CLCN7: variants seen among roughly 807,000 people sequenced by gnomAD.
CLCN7 encodes the protein H(+)/Cl(-) exchange transporter 7.
CLCN7 carries 60 observed loss-of-function variants against 102.1 expected under a neutral mutation model. That is an observed-to-expected ratio of 0.59 (90% CI 0.48 to 0.73). The LOEUF (loss-of-function observed/expected upper bound fraction) is 0.73. Ranked by LOEUF, CLCN7 falls within the 30% of genes least tolerant of loss-of-function variation. The probability of loss-of-function intolerance (pLI) is 0.00; values close to 1 mark genes in which losing one functional copy is unlikely to be tolerated. For missense variants in CLCN7, 962 were observed against 1,125.7 expected (o/e 0.85, Z 2.08); for synonymous variants, 560 against 490.5 (o/e 1.14, Z -1.87).
At chr16:1,448,566 G>C in intron 20 of CLCN7, 82 bp from the exon 21 acceptor site, 1 of 1,601,708 alleles carries the variant, frequency 6.2e-7, no homozygotes, top group Non-Finnish European at 8.5e-7. Context: ...GAGGTGTGAA[G>C]CCGCTGGACA....
intron 1 of CLCN7, among the ~76,000 whole-genome samples, chr16:1,473,865 A>G (rs116404366): frequency 0.067 from 10,120 of 151,952 alleles, 399 homozygotes; most frequent in Non-Finnish European, 0.094. Flanking sequence ...GCGGGGGATC[A>G]CGTGAGGTCG....
chr16:1,465,127 T>C (rs529842813), intron 2 of CLCN7, 140 bp downstream of exon 2: 13 of 756,198 alleles, frequency 1.7e-5, no homozygotes, highest in South Asian at 1.0e-4. Flanking sequence ...TCAGGGACCA[T>C]GTCCCCCCAA....
Position 1,460,822 on chromosome 16 carries a change from T to G in CLCN7, c.478A>C (p.Lys160Gln). ...NLAGLKYRVIKGNIDKFTEKG... is the reference protein window; with the variant it reads ...NLAGLKYRVIQGNIDKFTEKG... Reference sequence around the variant, plus strand: ...GCCGCACTGGGAAGGATACTGCCCTTGATGACCCTGTACTTGAGGCCAGCC... The same window carrying G: ...GCCGCACTGGGAAGGATACTGCCCTGGATGACCCTGTACTTGAGGCCAGCC... Residue 160 changes from lysine (K) to glutamine (Q), a missense_variant, in exon 5 of 25, where the codon AAG becomes CAG. Coordinates refer to ENST00000382745, the MANE Select transcript of CLCN7 (RefSeq NM_001287.6). 4 of 1,614,028 alleles carry G rather than the reference T, an allele frequency of 2.5e-6. No individual in the cohort carries two copies. The highest frequency in any genetic ancestry group is 3.4e-6 in the Non-Finnish European group (4 of 1,179,950).
In CLCN7 at chr16:1,474,986, G is replaced by A. The variant is rs1169716073; in HGVS notation, c.-12C>T. 2.0e-6 allele frequency: 3 copies of A among 1,471,832 alleles called. No homozygotes were observed. Among genetic ancestry groups the A allele is most frequent in the South Asian group, 1.3e-5 (1 of 77,252 alleles). The allele number at this position is 1,471,832 out of a possible 1,614,324, so 91.2% of individuals were successfully genotyped here. ...GAGACGTTGGCCATGGCCCGCCGCGGAGCGACACCGGCCGGGAAGCGCCGG... is the reference window on the plus strand; with the variant it reads ...GAGACGTTGGCCATGGCCCGCCGCGAAGCGACACCGGCCGGGAAGCGCCGG... On this transcript the variant is annotated 5_prime_UTR_variant, in exon 1 of 25. Transcript: ENST00000382745.
chr16:1,453,136 T>C (rs1013832037), intron 14 of CLCN7, among the ~76,000 whole-genome samples: 2 of 152,062 alleles, frequency 1.3e-5, no homozygotes, highest in East Asian at 3.9e-4. Flanking sequence ...GCCTCCCGAG[T>C]AGCTGGGATT....
rs1156713670 is a variant in CLCN7, at chr16:1,449,458, T to C, written c.1618-131A>G. The C allele has an allele frequency of 7.5e-6, 6 of 805,274 alleles. 1 individual carries two copies. The highest frequency in any genetic ancestry group is 6.1e-5 in the Admixed American group (3 of 49,026). 49.9% of individuals were successfully genotyped at this position (805,274 alleles called of 1,614,324 possible). Reference sequence around the variant, plus strand: ...GGAACAAACCTCGTGGCCGCGTACATACACACAGAACAACCTAGCACAGTA... The same window carrying C: ...GGAACAAACCTCGTGGCCGCGTACACACACACAGAACAACCTAGCACAGTA... On this transcript the variant is annotated intron_variant, in intron 17 of 24. Transcript: ENST00000382745.
chr16:1,460,379 T>C (rs747809050), intron 6 of CLCN7, 39 bp downstream of exon 6: 30 of 1,460,626 alleles, frequency 2.1e-5, no homozygotes, highest in Non-Finnish European at 2.6e-5. Flanking sequence ...CCCCAATCCT[T>C]CATGGGGTCC....
At chr16:1,451,831 G>A (rs1008269142) in intron 15 of CLCN7, 115 bp from the exon 16 acceptor site, 47 of 818,512 alleles carry the variant, frequency 5.7e-5, no homozygotes, top group South Asian at 3.5e-4. Context: ...AGCATCAGGC[G>A]CGAAACCACA....
chr16:1,448,549 G>T, intron 20 of CLCN7, 65 bp from the exon 21 acceptor site: 3 of 1,602,766 alleles, frequency 1.9e-6, no homozygotes, highest in Non-Finnish European at 2.5e-6. Flanking sequence ...TACCTCTGCG[G>T]GCTGGTGAGG....
chr16:1,468,493 G>A (rs562326093), intron 1 of CLCN7, among the ~76,000 whole-genome samples: 1 of 152,336 alleles, frequency 6.6e-6, no homozygotes, highest in African/African-American at 2.4e-5. Flanking sequence ...ATTCCGTGCG[G>A]TTACTTTCTT....
chr16:1,459,202 G>A lies in CLCN7; in HGVS notation c.595-15C>T. ...GCAGCCACCGGCTGAAAGAGGGGAA[G>A]CACGGCTGAGTGGGTCACGGCCAGG... On this transcript the variant is annotated splice_polypyrimidine_tract_variant and intron_variant, in intron 6 of 24. Transcript: ENST00000382745. 1.2e-6 allele frequency: 2 copies of A among 1,611,530 alleles called. No individual in the cohort carries two copies. Among genetic ancestry groups the A allele is most frequent in the Non-Finnish European group, 1.7e-6 (2 of 1,178,788 alleles).
intron 1 of CLCN7, among the ~76,000 whole-genome samples, chr16:1,465,627 C>T (rs554116576): frequency 1.3e-5 from 2 of 152,282 alleles, no homozygotes; most frequent in South Asian, 4.1e-4. Flanking sequence ...CTGCCACCCA[C>T]CAGGAAAGAA....
chr16:1,449,335 A>G lies in CLCN7; in HGVS notation c.1618-8T>C. The G allele has an allele frequency of 1.3e-6, 2 of 1,581,372 alleles. No homozygotes were observed. The highest frequency in any genetic ancestry group is 1.8e-5 in the Admixed American group (1 of 55,278). On this transcript the variant is annotated splice_polypyrimidine_tract_variant and splice_region_variant and intron_variant, in intron 17 of 24. Transcript: ENST00000382745. Reference sequence around the variant, plus strand: ...GCCGGGGTCCGCCCAGATCTGTGGGAGGTGACACGGAGGAGGTGTCAGTGT... The same window carrying G: ...GCCGGGGTCCGCCCAGATCTGTGGGGGGTGACACGGAGGAGGTGTCAGTGT...
At chr16:1,459,221 G>T in intron 6 of CLCN7, 34 bp from the exon 7 acceptor site, 1 of 1,592,796 alleles carries the variant, frequency 6.3e-7, no homozygotes, top group Non-Finnish European at 8.6e-7. Context: ...AGTGGGTCAC[G>T]GCCAGGCTGA....
intron 21 of CLCN7, 147 bp from the exon 22 acceptor site, chr16:1,447,861 G>C: frequency 1.2e-6 from 1 of 865,792 alleles, no homozygotes; most frequent in South Asian, 1.5e-5. Context: ...GCTCACACCA[G>C]CCTCGCCATG....
At chr16:1,452,143 C>G (rs747858521) in intron 15 of CLCN7, 2 of 300,394 alleles carry the variant, frequency 6.7e-6, no homozygotes, top group South Asian at 3.2e-5. Context: ...GGGGCTGGAG[C>G]AGAGTGTAGC....
intron 21 of CLCN7, among the ~76,000 whole-genome samples, 198 bp from the exon 22 acceptor site, chr16:1,447,912 G>C (rs138237149): frequency 6.6e-6 from 1 of 152,226 alleles, no homozygotes; most frequent in African/African-American, 2.4e-5. Flanking sequence ...AAGGATCGGC[G>C]ACAGGGTAGC....
chr16:1,456,201 G>A lies in CLCN7; in HGVS notation c.828C>T (p.Phe276=), dbSNP rs776459030. The A allele has an allele frequency of 1.1e-5, 17 of 1,563,926 alleles. No individual in the cohort carries two copies. Among genetic ancestry groups the A allele is most frequent in the South Asian group, 7.0e-5 (6 of 85,782 alleles). ...STSLKRDFKI[F]EYFRRDTEKR... ...TCTCTGTGTCTCTGCGGAAGTACTC[G>A]AAGATCTGCAACAGGGACAGACCAG... Residue 276 remains phenylalanine, a synonymous_variant, in exon 10 of 25, where the codon TTC becomes TTT. Coordinates refer to ENST00000382745, the MANE Select transcript of CLCN7 (RefSeq NM_001287.6).
intron 23 of CLCN7, 110 bp from the exon 24 acceptor site, chr16:1,447,196 A>AGCCCCCACGCCCGTCTG: frequency 8.3e-7 from 1 of 1,203,200 alleles, no homozygotes; most frequent in Non-Finnish European, 1.2e-6. Context: ...GCACGTCCTG[A>AGCCCCCACGCCCGTCTG]GCCCCCACGC....
Sources: gnomAD v4.1 joint callset for allele counts (sites outside exome capture counted in the v4.1 genomes callset) on GRCh38, gnomAD v4.1.1 for gene constraint, MANE v1.5 for transcripts, NCBI Gene and HGNC (gene_info 2026-07-23, HGNC 2026-07-21) for gene names.